MALRD1: variants seen among roughly 807,000 people sequenced by gnomAD.
MALRD1 encodes MAM and LDL-receptor class A domain-containing protein 1.
Under a neutral mutation model 242.1 loss-of-function variants are expected in MALRD1, and 247 were observed. The observed-to-expected ratio is 1.02, with a 90% CI of 0.92 to 1.13. The LOEUF is 1.13. Among genes scored for constraint, MALRD1 ranks in the 50% most tolerant of loss-of-function variants. The pLI is 0.00. For missense variants in MALRD1, 2,989 were observed against 2,533.1 expected, an observed-to-expected ratio of 1.18 and a Z score of -3.86; for synonymous variants, 995 against 866.6, an observed-to-expected ratio of 1.15 and a Z score of -2.60.
chr10:19,277,500 G>C (rs1344032242), intron 19 of MALRD1, among the ~76,000 whole-genome samples: 1 of 152,046 alleles, frequency 6.6e-6, no homozygotes, highest in African/African-American at 2.4e-5. Context: ...AAGAATCTGA[G>C]TATGCATGCC....
At chr10:19,267,998 C>CACTTA (rs138086879) in intron 19 of MALRD1, among the ~76,000 whole-genome samples, 2,316 of 152,104 alleles carry the variant, frequency 0.015, 63 homozygotes, top group African/African-American at 0.053. Context: ...ACAAATTATT[C>CACTTA]ACTTATTTTA....
rs1306429230 is a variant in MALRD1, at chr10:19,674,613, A to G, written c.6138-17669A>G. 2.0e-5 allele frequency among the ~76,000 whole-genome samples: 3 copies of G among 152,314 alleles called. No homozygotes were observed. The East Asian group carries it at 5.8e-4, about 29-fold the overall frequency. On this transcript the variant is annotated intron_variant, in intron 36 of 39. Transcript: ENST00000454679. ...GTATATTTCAAGTGATAAAGAGAAAACATGAATAAGATCTTACTGGAAATA... is the reference window on the plus strand; with the variant it reads ...GTATATTTCAAGTGATAAAGAGAAAGCATGAATAAGATCTTACTGGAAATA...
At chr10:19,481,834 G>A (rs1054512317) in intron 29 of MALRD1, among the ~76,000 whole-genome samples, 4 of 152,088 alleles carry the variant, frequency 2.6e-5, no homozygotes, top group Admixed American at 6.6e-5. Context: ...TAACACGCCA[G>A]TACAAGCTGG....
At chr10:19,362,677 G>A (rs577207765) in intron 26 of MALRD1, among the ~76,000 whole-genome samples, 1 of 152,188 alleles carries the variant, frequency 6.6e-6, no homozygotes, top group South Asian at 2.1e-4. Flanking sequence ...GTTACTACAA[G>A]GGCTTTGGTT....
At position 19,051,931 on chromosome 10, in the gene MALRD1, A is replaced by C. The variant is rs1244288660; in HGVS notation, c.199+2794A>C. ...AGCGAGACTCCGTCTCAAAAAAAAAAAAAAAAAAAAAAAAAAAAAAAGGAA... is the reference window on the plus strand; with the variant it reads ...AGCGAGACTCCGTCTCAAAAAAAAACAAAAAAAAAAAAAAAAAAAAAGGAA... On this transcript the variant is annotated intron_variant, in intron 1 of 39. Transcript: ENST00000454679. The C allele has an allele frequency of 1.6e-5, 3 of 189,124 alleles. 1 individual carries two copies. The highest frequency in any genetic ancestry group is 4.5e-3 in the Middle Eastern group (2 of 444). The allele number at this position is 189,124 out of a possible 1,614,324, so 11.7% of individuals were successfully genotyped here.
intron 12 of MALRD1, among the ~76,000 whole-genome samples, chr10:19,164,745 A>G (rs1353101052): frequency 2.0e-5 from 3 of 152,112 alleles, no homozygotes; most frequent in African/African-American, 7.2e-5. Context: ...ACAGTACGCA[A>G]TTTCATGTTA....
intron 34 of MALRD1, among the ~76,000 whole-genome samples, chr10:19,603,048 T>G (rs544684530): frequency 2.3e-4 from 35 of 152,188 alleles, no homozygotes; most frequent in Non-Finnish European, 4.4e-4. Flanking sequence ...GGGTTGTTTT[T>G]TTTCTTGTAA....
intron 18 of MALRD1, among the ~76,000 whole-genome samples, chr10:19,238,457 A>ATG (rs1179215928): frequency 2.4e-4 from 10 of 41,734 alleles, no homozygotes; most frequent in African/African-American, 7.9e-4. Context: ...ATTATATATA[A>ATG]TATATAATAT....
intron 1 of MALRD1, chr10:19,051,500 CGACT>C (rs1564361711): frequency 5.1e-6 from 1 of 194,804 alleles, no homozygotes; most frequent in Non-Finnish European, 1.1e-5. Flanking sequence ...TCTCAATTTC[CGACT>C]GTTGGAAAAA....
chr10:19,300,599 G>T (rs139501999), intron 21 of MALRD1, among the ~76,000 whole-genome samples: 123 of 151,944 alleles, frequency 8.1e-4, no homozygotes, highest in African/African-American at 2.8e-3. Context: ...ACAATAAAAA[G>T]CAATGGGGAA....
chr10:19,727,830 G>A (rs1835105279), intron 38 of MALRD1, among the ~76,000 whole-genome samples: 1 of 151,956 alleles, frequency 6.6e-6, no homozygotes, highest in Non-Finnish European at 1.5e-5. Context: ...GAACTGGCAG[G>A]AAACTTTATA....
At chr10:19,700,342 A>G (rs1447905734) in intron 38 of MALRD1, among the ~76,000 whole-genome samples, 2 of 152,098 alleles carry the variant, frequency 1.3e-5, no homozygotes, top group African/African-American at 4.8e-5. Flanking sequence ...GCAACCTGCC[A>G]TGAGGAAAGG....
chr10:19,282,176 A>G (rs1031420114), intron 20 of MALRD1, among the ~76,000 whole-genome samples: 1 of 152,176 alleles, frequency 6.6e-6, no homozygotes, highest in Non-Finnish European at 1.5e-5. Context: ...GAACAGAGAT[A>G]TATTGGATCC....
intron 29 of MALRD1, among the ~76,000 whole-genome samples, chr10:19,486,670 G>C (rs1216234316): frequency 6.6e-6 from 1 of 152,132 alleles, no homozygotes; most frequent in Non-Finnish European, 1.5e-5. Flanking sequence ...TTGCCGTCTG[G>C]AATCTCAGAG....
intron 33 of MALRD1, among the ~76,000 whole-genome samples, chr10:19,571,024 C>G (rs1283046523): frequency 1.3e-5 from 2 of 152,064 alleles, no homozygotes; most frequent in East Asian, 3.8e-4. Context: ...TTATAGGGAA[C>G]TATTGCATAG....
At chr10:19,176,411 A>G (rs1196197312) in intron 14 of MALRD1, among the ~76,000 whole-genome samples, 3 of 100,064 alleles carry the variant, frequency 3.0e-5, no homozygotes, top group African/African-American at 1.2e-4. Context: ...TCTGTCGCCC[A>G]GGCCGGACTG....
intron 26 of MALRD1, among the ~76,000 whole-genome samples, chr10:19,376,566 TTTTTG>T (rs1263661361): frequency 3.6e-5 from 5 of 138,668 alleles, no homozygotes; most frequent in African/African-American, 1.5e-4. Flanking sequence ...TTTTTTTTTT[TTTTTG>T]TAAGAGGGAG....
intron 28 of MALRD1, among the ~76,000 whole-genome samples, chr10:19,408,640 A>G (rs907496781): frequency 6.6e-6 from 1 of 152,252 alleles, no homozygotes; most frequent in Non-Finnish European, 1.5e-5. Flanking sequence ...TGAAAAGAAT[A>G]TACAGTTGGC....
chr10:19,310,781 C>A (rs1836182005), intron 21 of MALRD1, among the ~76,000 whole-genome samples: 1 of 151,478 alleles, frequency 6.6e-6, no homozygotes, highest in Non-Finnish European at 1.5e-5. Flanking sequence ...TCTTTCCAAA[C>A]TGAGTTCAAG....
Sources: gnomAD v4.1 joint callset for allele counts (sites outside exome capture counted in the v4.1 genomes callset) on GRCh38, gnomAD v4.1.1 for gene constraint, MANE v1.5 for transcripts, NCBI Gene and HGNC (gene_info 2026-07-23, HGNC 2026-07-21) for gene names.